Variants in EPHA5 observed in about 807,000 individuals in gnomAD.
The protein encoded by EPHA5 is ephrin type-A receptor 5.
In EPHA5, 60 loss-of-function variants were observed where a neutral mutation model predicts 105.0. The ratio of observed to expected loss-of-function variants is 0.57; its 90% CI spans 0.46 to 0.71. EPHA5 has a LOEUF of 0.71. Ranked by LOEUF, EPHA5 falls within the 30% of genes least tolerant of loss-of-function variation. EPHA5 has a pLI of 0.00. For synonymous variants in EPHA5, 513 were observed against 449.1 expected (o/e 1.14, Z -1.80); for missense variants, 1,218 against 1,274.7 (o/e 0.96, Z 0.68).
chr4:65,622,366 G>T (rs1192112459), intron 2 of EPHA5, among the ~76,000 whole-genome samples: 1 of 151,946 alleles, frequency 6.6e-6, no homozygotes, highest in African/African-American at 2.4e-5. Flanking sequence ...TTTCATATAT[G>T]ACACTAGGTG....
intron 5 of EPHA5, among the ~76,000 whole-genome samples, chr4:65,421,408 C>A (rs1723934271): frequency 6.6e-6 from 1 of 151,984 alleles, no homozygotes; most frequent in South Asian, 2.1e-4. Context: ...TTGAAAAGTA[C>A]TAACATTACT....
intron 2 of EPHA5, among the ~76,000 whole-genome samples, chr4:65,630,206 T>C (rs1560795250): frequency 6.6e-6 from 1 of 152,090 alleles, no homozygotes; most frequent in African/African-American, 2.4e-5. Context: ...AAAGCTAGTC[T>C]CTCCATGGAG....
intron 2 of EPHA5, among the ~76,000 whole-genome samples, chr4:65,609,128 A>T (rs540448616): frequency 1.8e-4 from 27 of 152,330 alleles, no homozygotes; most frequent in African/African-American, 6.3e-4. Context: ...ACAACAAGAA[A>T]AATGTGGTTT....
At chr4:65,552,720 T>C (rs56119523) in intron 3 of EPHA5, among the ~76,000 whole-genome samples, 17,554 of 152,176 alleles carry the variant, frequency 0.12, 1,444 homozygotes, top group East Asian at 0.3. Context: ...AAAATATCAA[T>C]CATGTTCAAG....
intron 3 of EPHA5, among the ~76,000 whole-genome samples, chr4:65,570,956 T>C (rs1245112904): frequency 3.3e-5 from 5 of 152,022 alleles, no homozygotes; most frequent in Non-Finnish European, 7.4e-5. Flanking sequence ...GGGCATAATA[T>C]GACCAGAAGA....
chr4:65,430,496 C>A (rs561842081), intron 5 of EPHA5, among the ~76,000 whole-genome samples: 80 of 152,080 alleles, frequency 5.3e-4, no homozygotes, highest in Non-Finnish European at 9.9e-4. Flanking sequence ...ACTGTAATTG[C>A]TGTACCATAA....
chr4:65,484,302 A>G (rs1186913055), intron 5 of EPHA5, among the ~76,000 whole-genome samples: 1 of 152,178 alleles, frequency 6.6e-6, no homozygotes, highest in Non-Finnish European at 1.5e-5. Context: ...TGATCATTTC[A>G]ATATTTTATG....
intron 11 of EPHA5, among the ~76,000 whole-genome samples, chr4:65,361,394 T>G (rs1026949701): frequency 6.6e-5 from 10 of 151,632 alleles, no homozygotes; most frequent in South Asian, 2.1e-4. Flanking sequence ...AATATGGAAA[T>G]GTGTATCAGG....
intron 3 of EPHA5, among the ~76,000 whole-genome samples, chr4:65,539,275 T>C (rs538845245): frequency 3.3e-5 from 5 of 151,604 alleles, no homozygotes; most frequent in African/African-American, 9.7e-5. Context: ...CTAGAAGAAA[T>C]TTCTTAAGAT....
intron 6 of EPHA5, among the ~76,000 whole-genome samples, chr4:65,415,067 G>T (rs1423623980): frequency 2.0e-5 from 3 of 152,138 alleles, no homozygotes; most frequent in Admixed American, 6.6e-5. Context: ...AGTTAATGGA[G>T]ATGTACTAGG....
chr4:65,412,092 G>C (rs1303435397), intron 7 of EPHA5, among the ~76,000 whole-genome samples: 1 of 152,122 alleles, frequency 6.6e-6, no homozygotes, highest in Non-Finnish European at 1.5e-5. Flanking sequence ...GCCAGGCGTG[G>C]TGGTGCATGC....
intron 3 of EPHA5, among the ~76,000 whole-genome samples, chr4:65,519,558 T>C (rs1578318454): frequency 6.8e-6 from 1 of 147,278 alleles, no homozygotes; most frequent in African/African-American, 2.4e-5. Context: ...AAATAAAGGG[T>C]ATTCAATTAG....
intron 8 of EPHA5, among the ~76,000 whole-genome samples, chr4:65,394,492 C>T (rs1721024304): frequency 6.6e-6 from 1 of 152,142 alleles, no homozygotes; most frequent in Non-Finnish European, 1.5e-5. Context: ...TTGTATCCTT[C>T]TCTAGTAGGA....
chr4:65,451,828 T>C (rs558785686), intron 5 of EPHA5, among the ~76,000 whole-genome samples: 6 of 152,170 alleles, frequency 3.9e-5, no homozygotes, highest in Non-Finnish European at 8.8e-5. Context: ...AGGATGAATG[T>C]GACTGCAAAT....
chr4:65,535,160 T>C (rs773302626), intron 3 of EPHA5, among the ~76,000 whole-genome samples: 5 of 152,216 alleles, frequency 3.3e-5, no homozygotes, highest in Non-Finnish European at 7.3e-5. Flanking sequence ...TAATTTGTTT[T>C]ATCATTTGTC....
intron 5 of EPHA5, among the ~76,000 whole-genome samples, chr4:65,470,520 A>C (rs1396400530): frequency 1.3e-5 from 2 of 152,132 alleles, no homozygotes; most frequent in African/African-American, 4.8e-5. Context: ...TAATAGTAGA[A>C]CATGTATTTT....
At chr4:65,569,319 C>G (rs541311999) in intron 3 of EPHA5, among the ~76,000 whole-genome samples, 21 of 151,502 alleles carry the variant, frequency 1.4e-4, no homozygotes, top group African/African-American at 3.9e-4. Flanking sequence ...TTAATTAGTA[C>G]AATTATTTCC....
At chr4:65,605,965 C>G (rs527485597) in intron 2 of EPHA5, among the ~76,000 whole-genome samples, 128 of 152,056 alleles carry the variant, frequency 8.4e-4, no homozygotes, top group African/African-American at 2.9e-3. Flanking sequence ...AAATTGAAGA[C>G]CAGACCAAAA....
At position 65,670,479 on chromosome 4, in the gene EPHA5, G is replaced by T. The variant is rs969003145; in HGVS notation, c.-737C>A. ...GGTTGAAACTGCACCGCCAAGGCGC[G>T]CTCCTGCTGTGTCTGGAGCTCCGGC... On this transcript the variant is annotated 5_prime_UTR_variant, in exon 1 of 17. Coordinates refer to ENST00000613740, the MANE Select transcript of EPHA5 (RefSeq NM_001281766.3). 1 of 233,282 alleles carries T rather than the reference G, an allele frequency of 4.3e-6. No homozygotes were observed. The highest frequency in any genetic ancestry group is 6.0e-5 in the East Asian group (1 of 16,564). 14.5% of individuals were successfully genotyped at this position (233,282 alleles called of 1,614,324 possible). A position where few individuals can be genotyped will look rare whatever the true frequency, so the allele number is the denominator to read the frequency against.
Sources: gnomAD v4.1 joint callset for allele counts (sites outside exome capture counted in the v4.1 genomes callset) on GRCh38, gnomAD v4.1.1 for gene constraint, MANE v1.5 for transcripts, NCBI Gene and HGNC (gene_info 2026-07-23, HGNC 2026-07-21) for gene names.